SBF2: variants seen among roughly 807,000 people sequenced by gnomAD.
SBF2 encodes the protein myotubularin-related protein 13.
In SBF2, 112 loss-of-function variants were observed where a neutral mutation model predicts 225.2. That is an observed-to-expected ratio of 0.50 (90% CI 0.43 to 0.58). The LOEUF is 0.58. Among genes scored for constraint, SBF2 ranks in the 20% least tolerant of loss-of-function variants. SBF2 has a pLI of 0.00. For synonymous variants in SBF2, 763 were observed against 773.3 expected (o/e 0.99, Z 0.22); for missense variants, 1,996 against 2,206.2 (o/e 0.90, Z 1.91).
chr11:10,132,662 G>C (rs1356116295), intron 2 of SBF2, among the ~76,000 whole-genome samples: 1 of 148,986 alleles, frequency 6.7e-6, no homozygotes, highest in African/African-American at 2.5e-5. Context: ...CAAAGAGTGA[G>C]CAGTAGCAAG....
chr11:9,966,022 T>C (rs113287710), intron 14 of SBF2, among the ~76,000 whole-genome samples: 7 of 152,234 alleles, frequency 4.6e-5, no homozygotes, highest in Non-Finnish European at 7.3e-5. Context: ...ATCTAAAATA[T>C]CTTTAGCAGT....
At chr11:10,270,218 C>G (rs543149637) in intron 1 of SBF2, among the ~76,000 whole-genome samples, 12 of 152,186 alleles carry the variant, frequency 7.9e-5, no homozygotes, top group African/African-American at 2.6e-4. Flanking sequence ...GATGCACCAA[C>G]CCCTGTGCAG....
intron 16 of SBF2, among the ~76,000 whole-genome samples, chr11:9,945,694 C>CTG (rs1478881042): frequency 6.6e-6 from 1 of 152,154 alleles, no homozygotes; most frequent in Non-Finnish European, 1.5e-5. Context: ...AACTATGCAT[C>CTG]TGACAAAGGT....
chr11:10,139,856 G>C (rs1954560498), intron 2 of SBF2, among the ~76,000 whole-genome samples: 1 of 152,124 alleles, frequency 6.6e-6, no homozygotes, highest in African/African-American at 2.4e-5. Context: ...TTCCTGTGTG[G>C]CTACTGGCTA....
intron 1 of SBF2, among the ~76,000 whole-genome samples, chr11:10,202,783 G>A (rs575672710): frequency 4.5e-4 from 69 of 152,228 alleles, no homozygotes; most frequent in Non-Finnish European, 4.4e-4. Context: ...GCGAGACTCC[G>A]TCTCAAAAAA....
At chr11:10,260,703 A>C (rs1298680831) in intron 1 of SBF2, among the ~76,000 whole-genome samples, 1 of 112,988 alleles carries the variant, frequency 8.9e-6, no homozygotes, top group Non-Finnish European at 1.9e-5. Context: ...ATTCCATCTC[A>C]AAAAAAAAAA....
At chr11:10,202,601 C>T (rs746158640) in intron 1 of SBF2, among the ~76,000 whole-genome samples, 13 of 152,022 alleles carry the variant, frequency 8.6e-5, no homozygotes, top group South Asian at 4.2e-4. Flanking sequence ...CTAGCTAACA[C>T]GGTGAAATCC....
chr11:10,100,098 C>G (rs1253181392), intron 2 of SBF2, among the ~76,000 whole-genome samples: 1 of 152,102 alleles, frequency 6.6e-6, no homozygotes, highest in Non-Finnish European at 1.5e-5. Flanking sequence ...ATGCTGCCAA[C>G]AAAAGACTCA....
At position 9,862,573 on chromosome 11, in the gene SBF2, T is replaced by G. The variant is rs188632062; in HGVS notation, c.1930-4177A>C. ...TTCTGTAAGATACAAAATGAACATA[T>G]TTTACAAAACAAACCTGTAATATAA... On this transcript the variant is annotated intron_variant, in intron 17 of 39. Transcript: ENST00000256190. 3.2e-3 allele frequency among the ~76,000 whole-genome samples: 482 copies of G among 152,284 alleles called. 2 individuals carry two copies. The highest frequency in any genetic ancestry group is 0.011 in the African/African-American group (462 of 41,564).
intron 1 of SBF2, among the ~76,000 whole-genome samples, chr11:10,216,796 G>A (rs1958150453): frequency 6.6e-6 from 1 of 152,152 alleles, no homozygotes; most frequent in Admixed American, 6.5e-5. Context: ...CTTGAAACCG[G>A]GAGGCGGAGG....
intron 3 of SBF2, among the ~76,000 whole-genome samples, chr11:10,038,769 T>C (rs573134584): frequency 6.6e-6 from 1 of 152,006 alleles, no homozygotes; most frequent in Non-Finnish European, 1.5e-5. Flanking sequence ...ACACACCAAA[T>C]GTTCTCACTG....
chr11:9,973,687 C>A (rs915595386), intron 13 of SBF2, among the ~76,000 whole-genome samples: 1 of 152,046 alleles, frequency 6.6e-6, no homozygotes, highest in Non-Finnish European at 1.5e-5. Context: ...CCCAGCTACC[C>A]CCAGCTTTGG....
chr11:10,000,395 TA>T (rs1947907260), intron 8 of SBF2, among the ~76,000 whole-genome samples: 1 of 152,212 alleles, frequency 6.6e-6, no homozygotes, highest in Non-Finnish European at 1.5e-5. Flanking sequence ...TACACAGAAC[TA>T]AATGAATTAT....
intron 2 of SBF2, among the ~76,000 whole-genome samples, chr11:10,081,578 G>A (rs964513123): frequency 6.6e-6 from 1 of 151,978 alleles, no homozygotes; most frequent in Non-Finnish European, 1.5e-5. Flanking sequence ...GGCTAACATG[G>A]TGAAACCCCA....
At chr11:9,879,316 C>G (rs577519068) in intron 17 of SBF2, among the ~76,000 whole-genome samples, 1 of 152,342 alleles carries the variant, frequency 6.6e-6, no homozygotes, top group East Asian at 1.9e-4. Flanking sequence ...ATTCACGAGT[C>G]ATGAGTTTTG....
At chr11:10,231,680 G>A (rs1424686778) in intron 1 of SBF2, among the ~76,000 whole-genome samples, 1 of 152,206 alleles carries the variant, frequency 6.6e-6, no homozygotes, top group Non-Finnish European at 1.5e-5. Context: ...TTTTGTCTCA[G>A]AGGAGTATCC....
chr11:10,297,436 A>G (rs573576513), upstream of SBF2, among the ~76,000 whole-genome samples: 1 of 152,264 alleles, frequency 6.6e-6, no homozygotes, highest in East Asian at 1.9e-4. Flanking sequence ...GTTTGTTTCT[A>G]TGCTTTTAGT....
At chr11:9,973,233 G>T (rs1462470050) in intron 13 of SBF2, among the ~76,000 whole-genome samples, 4 of 152,150 alleles carry the variant, frequency 2.6e-5, no homozygotes, top group Admixed American at 1.3e-4. Context: ...GCTTTTACTT[G>T]TAACACAAGA....
At chr11:9,940,219 C>T (rs188222848) in intron 16 of SBF2, among the ~76,000 whole-genome samples, 5 of 152,152 alleles carry the variant, frequency 3.3e-5, no homozygotes, top group African/African-American at 9.6e-5. Flanking sequence ...CTGGCTAACA[C>T]GGTGAAACCC....
Sources: gnomAD v4.1 joint callset for allele counts (sites outside exome capture counted in the v4.1 genomes callset) on GRCh38, gnomAD v4.1.1 for gene constraint, MANE v1.5 for transcripts, NCBI Gene and HGNC (gene_info 2026-07-23, HGNC 2026-07-21) for gene names.